Variants in SERINC5 observed in about 807,000 individuals in gnomAD.
SERINC5 encodes the protein chromosome 5 open reading frame 12.
In SERINC5, 41 loss-of-function variants were observed where a neutral mutation model predicts 63.1. That is an observed-to-expected ratio of 0.65 (90% CI 0.51 to 0.84). The LOEUF (loss-of-function observed/expected upper bound fraction) is 0.84. SERINC5 is among the 40% of genes least tolerant of loss of function. SERINC5 has a pLI of 0.00. For synonymous variants in SERINC5, 222 were observed against 215.2 expected (o/e 1.03, Z -0.28); for missense variants, 523 against 573.0 (o/e 0.91, Z 0.89).
In SERINC5 at chr5:80,143,429, A is replaced by C; in HGVS notation, c.*234T>G. 14 of 1,277,936 alleles carry C rather than the reference A, an allele frequency of 1.1e-5. No homozygotes were observed. Among genetic ancestry groups the C allele is most frequent in the Non-Finnish European group, 1.4e-5 (14 of 1,012,132 alleles). The allele number at this position is 1,277,936 out of a possible 1,614,324, so 79.2% of individuals were successfully genotyped here. A position where few individuals can be genotyped will look rare whatever the true frequency, so the allele number is the denominator to read the frequency against. ...CTGGTATCCAGTTCCTAGGGGTAAGATATTTCAACCATGATCAGTTTGGTT... is the reference window on the plus strand; with the variant it reads ...CTGGTATCCAGTTCCTAGGGGTAAGCTATTTCAACCATGATCAGTTTGGTT... On this transcript the variant is annotated 3_prime_UTR_variant, in exon 12 of 12. Coordinates refer to ENST00000507668, the MANE Select transcript of SERINC5 (RefSeq NM_001174072.3).
chr5:80,249,014 A>G (rs771204160), intron 1 of SERINC5, among the ~76,000 whole-genome samples: 1 of 152,188 alleles, frequency 6.6e-6, no homozygotes, highest in Non-Finnish European at 1.5e-5. Flanking sequence ...CAACATTAAC[A>G]CCTCTGAAGA....
At chr5:80,146,280 G>T in intron 10 of SERINC5, 46 bp from the exon 11 acceptor site, 1 of 1,604,208 alleles carries the variant, frequency 6.2e-7, no homozygotes, top group South Asian at 1.1e-5. Flanking sequence ...GAATGTGTGT[G>T]TTTACCATTC....
chr5:80,149,056 G>A (rs1284644413), intron 9 of SERINC5, among the ~76,000 whole-genome samples: 1 of 152,180 alleles, frequency 6.6e-6, no homozygotes, highest in Non-Finnish European at 1.5e-5. Context: ...TGTATCCTGT[G>A]AAATGTGACG....
intron 7 of SERINC5, among the ~76,000 whole-genome samples, chr5:80,161,489 T>C (rs1042667375): frequency 1.3e-5 from 2 of 152,192 alleles, no homozygotes; most frequent in Non-Finnish European, 2.9e-5. Flanking sequence ...TGGCCATTTA[T>C]ATGTCTTCTT....
At position 80,158,964 on chromosome 5, in the gene SERINC5, T is replaced by G. The variant is rs1746713491; in HGVS notation, c.860-2A>C. ...CATTTTTCCCATGTTCATCTAGAAC[T>G]TGAAAAGAAAAAACAAAGTCATCAC... is the stretch of plus-strand genomic sequence containing the variant. On this transcript the variant is annotated splice_acceptor_variant, in intron 7 of 11. Transcript: ENST00000507668. LOFTEE classifies it high-confidence loss of function. 1 of 1,613,216 alleles carries G rather than the reference T, an allele frequency of 6.2e-7. No individual in the cohort carries two copies.
chr5:80,133,191 G>A (rs66503116), intron 11 of SERINC5, among the ~76,000 whole-genome samples: 7,719 of 152,122 alleles, frequency 0.051, 220 homozygotes, highest in Non-Finnish European at 0.069. Flanking sequence ...TCCAGAAGCC[G>A]AGCAGATGCC....
chr5:80,188,542 G>T (rs1377580305), intron 2 of SERINC5, among the ~76,000 whole-genome samples: 1 of 151,958 alleles, frequency 6.6e-6, no homozygotes, highest in Non-Finnish European at 1.5e-5. Context: ...ATGTCTTGGA[G>T]GTTGCTGTAT....
At chr5:80,177,021 G>T (rs146856006) in intron 4 of SERINC5, among the ~76,000 whole-genome samples, 1 of 152,264 alleles carries the variant, frequency 6.6e-6, no homozygotes, top group African/African-American at 2.4e-5. Context: ...ACAGCCCTGC[G>T]CTCCCTGTTG....
intron 1 of SERINC5, among the ~76,000 whole-genome samples, chr5:80,222,869 G>T (rs138295207): frequency 6.6e-6 from 1 of 151,598 alleles, no homozygotes; most frequent in Non-Finnish European, 1.5e-5. Context: ...CCACCATACC[G>T]GCCAGTTTTT....
At chr5:80,145,465 A>G (rs1234467498) in intron 11 of SERINC5, among the ~76,000 whole-genome samples, 2 of 152,118 alleles carry the variant, frequency 1.3e-5, no homozygotes, top group African/African-American at 4.8e-5. Flanking sequence ...TACTTTTCAT[A>G]ATTCCACATT....
chr5:80,119,613 G>A (rs936752695), intron 11 of SERINC5, among the ~76,000 whole-genome samples: 1 of 152,214 alleles, frequency 6.6e-6, no homozygotes, highest in African/African-American at 2.4e-5. Context: ...AGAAGTTCCA[G>A]AAATTCATAA....
At chr5:80,226,176 G>A (rs192459071) in intron 1 of SERINC5, among the ~76,000 whole-genome samples, 15 of 152,134 alleles carry the variant, frequency 9.9e-5, no homozygotes, top group African/African-American at 3.6e-4. Flanking sequence ...TCGTGCCTCA[G>A]ACTCCCAAGT....
At position 80,138,942 on chromosome 5, in the gene SERINC5, TTTTA is replaced by T; in HGVS notation, c.*4717_*4720del. The T allele has an allele frequency of 2.1e-6, 2 of 975,422 alleles. No homozygotes were observed. The highest frequency in any genetic ancestry group is 2.4e-6 in the Non-Finnish European group (2 of 820,926). The allele number at this position is 975,422 out of a possible 1,614,324, so 60.4% of individuals were successfully genotyped here. A position where few individuals can be genotyped will look rare whatever the true frequency, so the allele number is the denominator to read the frequency against. ...GTACAGAGTTAACAAGTTTTGAGTT[TTTTA>T]TATAGGAAAAGCCTAGTCAATTCAG... On this transcript the variant is annotated 3_prime_UTR_variant, in exon 12 of 12. Transcript: ENST00000507668.
chr5:80,168,378 T>C (rs1218184216), intron 6 of SERINC5, among the ~76,000 whole-genome samples: 1 of 152,058 alleles, frequency 6.6e-6, no homozygotes, highest in Non-Finnish European at 1.5e-5. Flanking sequence ...CTGGGTATTT[T>C]TTTGTAGAGA....
intron 4 of SERINC5, among the ~76,000 whole-genome samples, chr5:80,175,278 T>C (rs1224490881): frequency 1.3e-5 from 2 of 152,232 alleles, no homozygotes; most frequent in African/African-American, 4.8e-5. Context: ...AGTTGGGATC[T>C]GAACACAGGC....
intron 2 of SERINC5, among the ~76,000 whole-genome samples, chr5:80,196,289 G>C (rs1180523316): frequency 1.3e-5 from 2 of 152,034 alleles, no homozygotes; most frequent in African/African-American, 4.8e-5. Context: ...GGCAGTGTTA[G>C]AGGCACAGGC....
intron 2 of SERINC5, among the ~76,000 whole-genome samples, chr5:80,185,100 C>G (rs13159251): frequency 0.093 from 14,197 of 152,170 alleles, 862 homozygotes; most frequent in Non-Finnish European, 0.14. Context: ...GTTTCAAACT[C>G]CTAACCTCAG....
At chr5:80,253,327 C>T (rs2112153) in intron 1 of SERINC5, among the ~76,000 whole-genome samples, 52,193 of 152,020 alleles carry the variant, frequency 0.34, 9,276 homozygotes, top group East Asian at 0.56. Context: ...TGTTCACTGC[C>T]GAAGCCTAGA....
At chr5:80,137,252 A>G (rs543215101), downstream of SERINC5, among the ~76,000 whole-genome samples, 35 of 152,182 alleles carry the variant, frequency 2.3e-4, no homozygotes, top group South Asian at 6.2e-4. Context: ...GAATGACATC[A>G]GTATGTCAAA....
Sources: allele counts gnomAD v4.1 joint callset (sites outside exome capture counted in the v4.1 genomes callset), GRCh38; gene constraint gnomAD v4.1.1; transcripts MANE v1.5; gene names NCBI Gene and HGNC (gene_info 2026-07-23, HGNC 2026-07-21).